NEK11: variants seen among roughly 807,000 people sequenced by gnomAD.
NEK11 encodes the protein serine/threonine-protein kinase Nek11.
A neutral mutation model predicts 80.7 loss-of-function variants in NEK11; 72 were observed. The ratio of observed to expected loss-of-function variants is 0.89; its 90% CI spans 0.74 to 1.08. The LOEUF (loss-of-function observed/expected upper bound fraction) is 1.08. Ranked by LOEUF, NEK11 falls within the 50% of genes least tolerant of loss-of-function variation. The pLI is 0.00. For missense variants in NEK11, 764 were observed against 763.6 expected, an observed-to-expected ratio of 1.00 and a Z score of -0.01; for synonymous variants, 251 against 260.7, an observed-to-expected ratio of 0.96 and a Z score of 0.36.
chr3:131,208,224 TC>T (rs2094502375), intron 14 of NEK11, among the ~76,000 whole-genome samples: 1 of 152,218 alleles, frequency 6.6e-6, no homozygotes. Flanking sequence ...AAATAGGGAA[TC>T]CTTTCCCCAT....
intron 17 of NEK11, among the ~76,000 whole-genome samples, chr3:131,276,599 A>G (rs2096295638): frequency 6.6e-6 from 1 of 151,984 alleles, no homozygotes; most frequent in Non-Finnish European, 1.5e-5. Flanking sequence ...ATTTTTCTTT[A>G]TATCTATCTA....
At chr3:131,151,920 T>C (rs1194490324) in intron 7 of NEK11, among the ~76,000 whole-genome samples, 1 of 152,154 alleles carries the variant, frequency 6.6e-6, no homozygotes, top group East Asian at 1.9e-4. Context: ...TAATAAATAA[T>C]GCCAGTTTCC....
chr3:131,175,358 A>G (rs1157216065), intron 14 of NEK11, among the ~76,000 whole-genome samples: 1 of 152,230 alleles, frequency 6.6e-6, no homozygotes, highest in Non-Finnish European at 1.5e-5. Context: ...GTGTCCATCA[A>G]TAGGTGAAAG....
At chr3:131,149,111 T>C in intron 7 of NEK11, among the ~76,000 whole-genome samples, 1 of 152,046 alleles carries the variant, frequency 6.6e-6, no homozygotes, top group Non-Finnish European at 1.5e-5. Flanking sequence ...CCGCCTTCTT[T>C]ATTTTTATTT....
chr3:131,247,714 T>G (rs1193604611), intron 16 of NEK11, among the ~76,000 whole-genome samples: 5 of 151,950 alleles, frequency 3.3e-5, no homozygotes, highest in Admixed American at 1.3e-4. Context: ...ACAATGTTGA[T>G]TCTCTCCATC....
chr3:131,086,848 T>C (rs999861140), intron 4 of NEK11, among the ~76,000 whole-genome samples: 1 of 152,220 alleles, frequency 6.6e-6, no homozygotes, highest in Non-Finnish European at 1.5e-5. Context: ...TGTGATGATA[T>C]GATTATTTTC....
intron 3 of NEK11, among the ~76,000 whole-genome samples, chr3:131,045,970 A>T (rs1377233769): frequency 6.6e-6 from 1 of 151,950 alleles, no homozygotes; most frequent in Admixed American, 6.6e-5. Flanking sequence ...ATCTTTTTCC[A>T]CCCCTTTACC....
At chr3:131,048,369 G>A (rs1035099922) in intron 3 of NEK11, among the ~76,000 whole-genome samples, 2 of 152,192 alleles carry the variant, frequency 1.3e-5, no homozygotes, top group African/African-American at 4.8e-5. Flanking sequence ...CCTTCTCCCT[G>A]TGGTCTTTTC....
chr3:131,298,281 T>G (rs2096622521), intron 17 of NEK11, among the ~76,000 whole-genome samples: 1 of 152,202 alleles, frequency 6.6e-6, no homozygotes, highest in Admixed American at 6.5e-5. Context: ...ACGATATTGA[T>G]TCTTCCTACC....
At chr3:131,131,547 G>A (rs941360964) in intron 5 of NEK11, among the ~76,000 whole-genome samples, 4 of 152,018 alleles carry the variant, frequency 2.6e-5, no homozygotes, top group East Asian at 1.9e-4. Context: ...TAATGTCCAC[G>A]GAATCTGTAG....
intron 14 of NEK11, among the ~76,000 whole-genome samples, chr3:131,208,391 G>C (rs775552865): frequency 3.9e-5 from 6 of 152,180 alleles, no homozygotes; most frequent in Non-Finnish European, 5.9e-5. Context: ...TTGAAATCTG[G>C]TAGCATGATG....
intron 17 of NEK11, among the ~76,000 whole-genome samples, chr3:131,283,032 G>A (rs115412598): frequency 0.021 from 3,269 of 152,192 alleles, 99 homozygotes; most frequent in African/African-American, 0.073. Flanking sequence ...TGTGAGGTGC[G>A]GAGGATTCTC....
At chr3:131,315,549 T>A (rs1002115958) in intron 17 of NEK11, among the ~76,000 whole-genome samples, 3 of 152,006 alleles carry the variant, frequency 2.0e-5, no homozygotes, top group Non-Finnish European at 4.4e-5. Flanking sequence ...TGCTTCTTTT[T>A]TTTTTTTCTT....
chr3:131,179,661 A>G (rs985225914), intron 14 of NEK11, among the ~76,000 whole-genome samples: 1 of 152,334 alleles, frequency 6.6e-6, no homozygotes, highest in Middle Eastern at 3.4e-3. Context: ...TCTTATTGGA[A>G]AATGAGTCAA....
intron 14 of NEK11, among the ~76,000 whole-genome samples, chr3:131,200,733 G>T (rs2094195403): frequency 6.6e-6 from 1 of 152,178 alleles, no homozygotes; most frequent in African/African-American, 2.4e-5. Flanking sequence ...TTTCTTCCCT[G>T]CTATATAAAC....
intron 17 of NEK11, among the ~76,000 whole-genome samples, chr3:131,333,083 C>T (rs568953547): frequency 1.8e-4 from 27 of 152,296 alleles, no homozygotes; most frequent in African/African-American, 6.5e-4. Flanking sequence ...TCTAGCAAGG[C>T]AGGCCAACCT....
chr3:131,317,697 C>A (rs2096854349), intron 17 of NEK11, among the ~76,000 whole-genome samples: 1 of 150,092 alleles, frequency 6.7e-6, no homozygotes, highest in South Asian at 2.1e-4. Context: ...GAATTCAAGA[C>A]CAGTCTGGGT....
In NEK11 at chr3:131,209,276, G is replaced by A. The variant is rs906135705; in HGVS notation, c.1400-19252G>A. On this transcript the variant is annotated intron_variant, in intron 14 of 17. Transcript: ENST00000383366. ...TGGTTCTGTTTATATGATGGATTAT[G>A]TTTATTGATTTGCATATGTTGAACC... Among the ~76,000 whole-genome samples the A allele has an allele frequency of 1.1e-4, 17 of 152,260 alleles. No homozygotes were observed. In the East Asian group the frequency reaches 2.5e-3, roughly 22 times the overall value.
chr3:131,061,882 C>A (rs1018893030), intron 3 of NEK11, among the ~76,000 whole-genome samples: 2 of 152,188 alleles, frequency 1.3e-5, no homozygotes, highest in African/African-American at 4.8e-5. Context: ...TCTGCTACCA[C>A]CACAGTGGCC....
Sources: gnomAD v4.1 joint callset for allele counts (sites outside exome capture counted in the v4.1 genomes callset) on GRCh38, gnomAD v4.1.1 for gene constraint, MANE v1.5 for transcripts, NCBI Gene and HGNC (gene_info 2026-07-23, HGNC 2026-07-21) for gene names.